NCOA1: variants seen among roughly 807,000 people sequenced by gnomAD.
NCOA1 encodes the protein Hin-2 protein.
In NCOA1, 35 loss-of-function variants were observed where a neutral mutation model predicts 150.9. The ratio of observed to expected loss-of-function variants is 0.23; its 90% CI spans 0.18 to 0.31. NCOA1 has a LOEUF of 0.31. NCOA1 is among the 10% of genes least tolerant of loss of function. The probability of loss-of-function intolerance (pLI) is 1.00; values close to 1 mark genes in which losing one functional copy is unlikely to be tolerated. For synonymous variants in NCOA1, 590 were observed against 630.0 expected, an observed-to-expected ratio of 0.94 and a Z score of 0.95; for missense variants, 1,491 against 1,749.3, an observed-to-expected ratio of 0.85 and a Z score of 2.63.
At chr2:24,534,920 A>G (rs1258166922) in intron 1 of NCOA1, among the ~76,000 whole-genome samples, 1 of 152,216 alleles carries the variant, frequency 6.6e-6, no homozygotes, top group Admixed American at 6.5e-5. Flanking sequence ...AAGAATGTAT[A>G]TTCTGTTGAT....
chr2:24,586,465 CA>C (rs1019278758), intron 3 of NCOA1, among the ~76,000 whole-genome samples: 1 of 151,934 alleles, frequency 6.6e-6, no homozygotes, highest in Non-Finnish European at 1.5e-5. Context: ...GGGCTCACTG[CA>C]GCATCTACCC....
intron 17 of NCOA1, among the ~76,000 whole-genome samples, chr2:24,737,233 A>G (rs751443270): frequency 6.6e-6 from 1 of 152,190 alleles, no homozygotes; most frequent in Non-Finnish European, 1.5e-5. Context: ...AAAACAAAGC[A>G]TTTTAATAAT....
At chr2:24,582,691 A>T (rs901340351) in intron 2 of NCOA1, among the ~76,000 whole-genome samples, 1 of 152,234 alleles carries the variant, frequency 6.6e-6, no homozygotes, top group Admixed American at 6.5e-5. Flanking sequence ...GCATCACATT[A>T]TCTGACTTCA....
At position 24,635,032 on chromosome 2, in the gene NCOA1, C is replaced by G. The variant is rs1017620593; in HGVS notation, c.-174-8934C>G. On this transcript the variant is annotated intron_variant, in intron 3 of 22. Coordinates refer to ENST00000348332, the MANE Select transcript of NCOA1 (RefSeq NM_003743.5). Reference sequence around the variant, plus strand: ...CTATACCTGCCCTAGAAAACACTTTCAAAATACTGAACTCTGGATTGCACA... The same window carrying G: ...CTATACCTGCCCTAGAAAACACTTTGAAAATACTGAACTCTGGATTGCACA... Among the ~76,000 whole-genome samples, 11 of 152,142 alleles carry G rather than the reference C, an allele frequency of 7.2e-5. No homozygotes were observed. The South Asian group carries it at 8.3e-4, about 11-fold the overall frequency.
chr2:24,749,698 G>A (rs568148417), intron 19 of NCOA1, among the ~76,000 whole-genome samples: 1 of 152,084 alleles, frequency 6.6e-6, no homozygotes, highest in African/African-American at 2.4e-5. Context: ...CCCAGACAAA[G>A]GTCAAAAATA....
intron 1 of NCOA1, among the ~76,000 whole-genome samples, chr2:24,505,719 G>C (rs930270986): frequency 1.3e-5 from 2 of 152,074 alleles, no homozygotes; most frequent in Non-Finnish European, 2.9e-5. Flanking sequence ...TGTGACTCAG[G>C]CTTGGTCTGT....
intron 1 of NCOA1, among the ~76,000 whole-genome samples, chr2:24,537,934 C>T (rs934688955): frequency 4.6e-5 from 7 of 152,102 alleles, no homozygotes; most frequent in Admixed American, 4.6e-4. Flanking sequence ...CTTTTTGTGT[C>T]TAAGAAGGGG....
intron 1 of NCOA1, among the ~76,000 whole-genome samples, chr2:24,494,796 C>T (rs959478538): frequency 6.6e-6 from 1 of 152,140 alleles, no homozygotes; most frequent in Admixed American, 6.5e-5. Context: ...TTCTCCCTAT[C>T]TTAGATTAAC....
At chr2:24,695,736 C>A (rs1376899149) in intron 10 of NCOA1, among the ~76,000 whole-genome samples, 1 of 152,094 alleles carries the variant, frequency 6.6e-6, no homozygotes, top group Non-Finnish European at 1.5e-5. Flanking sequence ...GTTAAACTTT[C>A]CTGTAGTAGG....
chr2:24,660,087 A>G (rs1445849434), intron 5 of NCOA1, among the ~76,000 whole-genome samples: 1 of 152,198 alleles, frequency 6.6e-6, no homozygotes, highest in Non-Finnish European at 1.5e-5. Flanking sequence ...TCAGAGAGAG[A>G]CAATAACCTG....
chr2:24,696,550 G>A (rs1170363254), intron 10 of NCOA1, among the ~76,000 whole-genome samples: 1 of 152,210 alleles, frequency 6.6e-6, no homozygotes, highest in Admixed American at 6.5e-5. Context: ...GAAGCATAGA[G>A]TGGTACAAGT....
chr2:24,704,332 A>G (rs1486585248), intron 11 of NCOA1, among the ~76,000 whole-genome samples: 1 of 152,200 alleles, frequency 6.6e-6, no homozygotes, highest in Non-Finnish European at 1.5e-5. Flanking sequence ...TGTGTCAGTC[A>G]TATCTTAGTA....
At chr2:24,620,014 G>C (rs187259826) in intron 3 of NCOA1, among the ~76,000 whole-genome samples, 2 of 151,992 alleles carry the variant, frequency 1.3e-5, no homozygotes, top group African/African-American at 4.8e-5. Context: ...CCCCAAAACA[G>C]CCTACCCTCT....
intron 6 of NCOA1, among the ~76,000 whole-genome samples, chr2:24,672,794 T>C (rs538776856): frequency 6.6e-6 from 1 of 152,324 alleles, no homozygotes; most frequent in Non-Finnish European, 1.5e-5. Flanking sequence ...TCAGAAACTT[T>C]TATTATTTAA....
At chr2:24,513,870 A>G (rs997403944) in intron 1 of NCOA1, among the ~76,000 whole-genome samples, 23 of 152,202 alleles carry the variant, frequency 1.5e-4, no homozygotes, top group African/African-American at 5.5e-4. Flanking sequence ...AGGACTTGGT[A>G]TGTGTAGAAA....
intron 14 of NCOA1, among the ~76,000 whole-genome samples, chr2:24,722,884 G>A (rs1674420817): frequency 6.6e-6 from 1 of 151,300 alleles, no homozygotes; most frequent in African/African-American, 2.4e-5. Flanking sequence ...CAGCTACTTG[G>A]GGAGCTGAGA....
intron 7 of NCOA1, among the ~76,000 whole-genome samples, chr2:24,677,861 ATG>A (rs1227320123): frequency 6.6e-6 from 1 of 152,040 alleles, no homozygotes; most frequent in Non-Finnish European, 1.5e-5. Flanking sequence ...GAGAATGAGG[ATG>A]TGCCACACTT....
At chr2:24,567,928 G>A (rs1247105546) in intron 2 of NCOA1, among the ~76,000 whole-genome samples, 4 of 151,994 alleles carry the variant, frequency 2.6e-5, no homozygotes, top group Non-Finnish European at 5.9e-5. Context: ...ATTTTTAGTA[G>A]AGACGGAGTT....
intron 1 of NCOA1, among the ~76,000 whole-genome samples, chr2:24,498,580 A>G (rs1281923407): frequency 6.6e-6 from 1 of 152,232 alleles, no homozygotes; most frequent in Non-Finnish European, 1.5e-5. Flanking sequence ...CTTTAAGAAT[A>G]GAGACAAGGA....
Sources: gnomAD v4.1 joint callset for allele counts (sites outside exome capture counted in the v4.1 genomes callset) on GRCh38, gnomAD v4.1.1 for gene constraint, MANE v1.5 for transcripts, NCBI Gene and HGNC (gene_info 2026-07-23, HGNC 2026-07-21) for gene names.